The following ITIH2 variants were observed in gnomAD, a reference collection of about 807,000 sequenced individuals.
ITIH2 encodes the protein inter-alpha-trypsin inhibitor heavy chain 2.
ITIH2 carries 103 observed loss-of-function variants against 104.4 expected under a neutral mutation model. The ratio of observed to expected loss-of-function variants is 0.99; its 90% confidence interval spans 0.84 to 1.16. The LOEUF is 1.16. ITIH2 is among the 50% of genes most tolerant of loss of function. The pLI, the probability that ITIH2 is intolerant of heterozygous loss-of-function variation, is 0.00. For synonymous variants in ITIH2, 436 were observed against 435.4 expected, an observed-to-expected ratio of 1.00 and a Z score of -0.02; for missense variants, 1,108 against 1,162.4, an observed-to-expected ratio of 0.95 and a Z score of 0.68.
intron 11 of ITIH2, among the ~76,000 whole-genome samples, chr10:7,728,302 G>A (rs576350102): frequency 2.5e-4 from 38 of 152,188 alleles, no homozygotes; most frequent in Non-Finnish European, 4.9e-4. Context: ...CAACCTTGAA[G>A]TTAAACATTT....
At chr10:7,710,273 T>C (rs1834785184) in intron 4 of ITIH2, among the ~76,000 whole-genome samples, 7 of 152,228 alleles carry the variant, frequency 4.6e-5, no homozygotes, top group Admixed American at 4.6e-4. Flanking sequence ...TATTATTCCC[T>C]CTATTTTCTG....
At chr10:7,712,846 C>T (rs777351046) in intron 4 of ITIH2, among the ~76,000 whole-genome samples, 3 of 152,108 alleles carry the variant, frequency 2.0e-5, no homozygotes, top group South Asian at 2.1e-4. Flanking sequence ...CTGGGCCAGG[C>T]GCGGTGGCTC....
At position 7,731,832 on chromosome 10, in the gene ITIH2, A is replaced by G. The variant is rs764969138; in HGVS notation, c.1483A>G (p.Thr495Ala). 3.1e-6 allele frequency: 5 copies of G among 1,609,714 alleles called. No individual in the cohort carries two copies. Among genetic ancestry groups the G allele is most frequent in the Non-Finnish European group, 4.2e-6 (5 of 1,177,794 alleles). Residue 495 changes from threonine to alanine, a missense_variant, in exon 13 of 21, where the codon ACT (threonine) becomes GCT (alanine). Transcript: ENST00000358415. ...QLKKFYNQVSTPLLRNVQFNY... is the reference protein window; with the variant it reads ...QLKKFYNQVSAPLLRNVQFNY... ...GTAGAAATTCTACAACCAGGTCTCC[A>G]CTCCATTGCTCCGGAATGTTCAGTT...
intron 11 of ITIH2, 147 bp downstream of exon 11, chr10:7,727,975 C>T: frequency 1.1e-6 from 1 of 926,784 alleles, no homozygotes; most frequent in Non-Finnish European, 1.6e-6. Flanking sequence ...GTCTTCTGAT[C>T]CTGCAGCCCT....
At chr10:7,739,162 G>A (rs1835100877) in intron 16 of ITIH2, among the ~76,000 whole-genome samples, 2 of 152,264 alleles carry the variant, frequency 1.3e-5, no homozygotes, top group South Asian at 2.1e-4. Context: ...TTCTCCCACA[G>A]CATGTGAGAC....
At chr10:7,743,104 C>T (rs746021470) in intron 16 of ITIH2, 42 bp from the exon 17 acceptor site, 2 of 927,472 alleles carry the variant, frequency 2.2e-6, no homozygotes, top group Non-Finnish European at 3.4e-6. Context: ...AATCATCTTC[C>T]TTTTAATGAT....
Position 7,709,117 on chromosome 10 carries a change from C to A in ITIH2, c.288C>A (p.Asn96Lys). 6.2e-7 allele frequency: 1 copy of A among 1,614,104 alleles called. No individual in the cohort carries two copies. The highest frequency in any genetic ancestry group is 8.5e-7 in the Non-Finnish European group (1 of 1,180,020). The change falls in exon 4 of 21, where the codon AAC (asparagine) becomes AAA (lysine). Residue 96 changes from asparagine to lysine, a missense_variant. Coordinates refer to ENST00000358415, the MANE Select transcript of ITIH2 (RefSeq NM_002216.3). The stretch of plus-strand genomic sequence containing the variant: ...CCATGATCCAGAGCAAAGTGGTGAA[C>A]AATTCCCCGCAGCCTCAGAATGTCG... ...ATTMIQSKVVNNSPQPQNVVF... is the reference protein window; with the variant it reads ...ATTMIQSKVVKNSPQPQNVVF...
intron 18 of ITIH2, among the ~76,000 whole-genome samples, chr10:7,744,519 G>A (rs1835157243): frequency 6.6e-6 from 1 of 152,224 alleles, no homozygotes; most frequent in Admixed American, 6.6e-5. Context: ...CACTCACTGT[G>A]TATGTGCTAA....
At position 7,713,230 on chromosome 10, in the gene ITIH2, G is replaced by A. The variant is rs746925560; in HGVS notation, c.412G>A (p.Gly138Ser). The A allele has an allele frequency of 6.2e-7, 1 of 1,614,196 alleles. No homozygotes were observed. The highest frequency in any genetic ancestry group is 1.7e-5 in the Admixed American group (1 of 60,004). The change falls in exon 5 of 21, where the codon GGC (glycine) becomes AGC (serine). Residue 138 changes from glycine to serine, a missense_variant. Physicochemically the swap from Gly to Ser is moderately conservative, Grantham distance 56. Transcript: ENST00000358415. ...GAGCTCTATTAAGGAGAAAACTGTG[G>A]GCCGAGCTCTTTATGCACAGGCCAG... ...FRSSIKEKTV[G>S]RALYAQARAK...
intron 3 of ITIH2, 122 bp downstream of exon 3, chr10:7,707,355 C>T (rs1322230059): frequency 1.4e-6 from 1 of 714,632 alleles, no homozygotes; most frequent in Non-Finnish European, 2.5e-6. Context: ...GAAATACTGC[C>T]TTGCCCAACT....
chr10:7,718,046 A>ACAGCTTAACG (rs1438741881), intron 6 of ITIH2, among the ~76,000 whole-genome samples: 1 of 152,150 alleles, frequency 6.6e-6, no homozygotes, highest in Non-Finnish European at 1.5e-5. Context: ...ACAGCTTAAC[A>ACAGCTTAACG]CAACAGAAAT....
intron 5 of ITIH2, among the ~76,000 whole-genome samples, chr10:7,714,306 G>C (rs1336531828): frequency 1.3e-5 from 2 of 151,666 alleles, no homozygotes; most frequent in Non-Finnish European, 2.9e-5. Context: ...AGAGTAGCTG[G>C]GACTACAGGC....
At chr10:7,718,818 A>G (rs1451394974) in intron 6 of ITIH2, among the ~76,000 whole-genome samples, 1 of 152,084 alleles carries the variant, frequency 6.6e-6, no homozygotes, top group Non-Finnish European at 1.5e-5. Context: ...CAATGACAGG[A>G]GCTTGATGAA....
chr10:7,730,974 A>C (rs1834996522), intron 12 of ITIH2, among the ~76,000 whole-genome samples: 1 of 152,188 alleles, frequency 6.6e-6, no homozygotes, highest in Admixed American at 6.5e-5. Context: ...TCAGGAGTGC[A>C]GTGCTGCGAT....
chr10:7,724,485 G>C (rs921750172), intron 9 of ITIH2, among the ~76,000 whole-genome samples: 4 of 147,894 alleles, frequency 2.7e-5, no homozygotes, highest in African/African-American at 1.0e-4. Context: ...CAGGAGAATT[G>C]CTTGAACCCA....
chr10:7,711,077 T>C (rs1834792983), intron 4 of ITIH2, among the ~76,000 whole-genome samples: 1 of 152,118 alleles, frequency 6.6e-6, no homozygotes, highest in Non-Finnish European at 1.5e-5. Flanking sequence ...GTCCTAATGC[T>C]CTCCCTCCCC....
rs564526065 is a variant in ITIH2, at chr10:7,723,210, T to C, written c.868-241T>C. 4.0e-5 allele frequency among the ~76,000 whole-genome samples: 6 copies of C among 149,272 alleles called. No homozygotes were observed. In the South Asian group the frequency reaches 1.3e-3, roughly 32 times the overall value. On this transcript the variant is annotated intron_variant, in intron 8 of 20. Coordinates refer to ENST00000358415, the MANE Select transcript of ITIH2 (RefSeq NM_002216.3). ...TGGTGTGGAGAGGAGTCAAGTGGAG[T>C]GGAGCGGTGTGGAGTGAAGCAGCGT...
At chr10:7,720,809 C>G (rs1264451209) in intron 6 of ITIH2, 47 bp from the exon 7 acceptor site, 1 of 1,199,602 alleles carries the variant, frequency 8.3e-7, no homozygotes, top group Non-Finnish European at 1.2e-6. Flanking sequence ...CTTAAAAAGA[C>G]TTTAAAGACT....
intron 19 of ITIH2, among the ~76,000 whole-genome samples, chr10:7,746,068 TAAAAAAAA>T (rs372266950): frequency 3.1e-4 from 11 of 35,772 alleles, no homozygotes; most frequent in African/African-American, 9.2e-4. Context: ...ATCTTAAATT[TAAAAAAAA>T]AAAAAAAAAA....
Sources: allele counts gnomAD v4.1 joint callset (sites outside exome capture counted in the v4.1 genomes callset), GRCh38; gene constraint gnomAD v4.1.1; transcripts MANE v1.5; gene names NCBI Gene and HGNC (gene_info 2026-07-23, HGNC 2026-07-21).